Variants in SLC5A10 observed in about 807,000 individuals in gnomAD.
The protein encoded by SLC5A10 is sodium/mannose cotransporter SLC5A10.
A neutral mutation model predicts 68.9 loss-of-function variants in SLC5A10; 55 were observed. The ratio of observed to expected loss-of-function variants is 0.80; its 90% confidence interval spans 0.64 to 1.00. The LOEUF (loss-of-function observed/expected upper bound fraction) is 1.00. Ranked by LOEUF, SLC5A10 falls within the 50% of genes least tolerant of loss-of-function variation. The probability of loss-of-function intolerance (pLI) is 0.00; values close to 1 mark genes in which losing one functional copy is unlikely to be tolerated. For missense variants in SLC5A10, 732 were observed against 819.3 expected (o/e 0.89, Z 1.30); for synonymous variants, 344 against 344.8 (o/e 1.00, Z 0.02).
intron 7 of SLC5A10, 87 bp from the exon 8 acceptor site, chr17:18,970,926 T>G: frequency 7.6e-7 from 1 of 1,317,882 alleles, no homozygotes; most frequent in Non-Finnish European, 1.1e-6. Flanking sequence ...ATCAGGAAGT[T>G]TCTTGTGAGA....
Position 18,971,301 on chromosome 17 carries a change from C to T in SLC5A10, c.846+83C>T, listed in dbSNP as rs1011347863. On this transcript the variant is annotated intron_variant, in intron 8 of 14. Coordinates refer to ENST00000395645, the MANE Select transcript of SLC5A10 (RefSeq NM_001042450.4). The surrounding 1 kb of genome is among the most constrained non-coding windows in gnomAD (Gnocchi z 5.5). ...AGGCCCAGGCGGCCTGTCTGCCCTC[C>T]GCGTCATGAGTCTGGGCTGGGGCCT... 3.0e-5 allele frequency: 49 copies of T among 1,608,416 alleles called. No individual in the cohort carries two copies. The highest frequency in any genetic ancestry group is 2.5e-4 in the Admixed American group (15 of 59,868).
At chr17:18,954,365 C>T (rs1486874928) in intron 1 of SLC5A10, among the ~76,000 whole-genome samples, 1 of 152,202 alleles carries the variant, frequency 6.6e-6, no homozygotes, top group African/African-American at 2.4e-5. Context: ...ACTTGGGCCA[C>T]CAGCCCTTGT....
chr17:18,950,968 G>C (rs961932621), upstream of SLC5A10: 1 of 152,428 alleles, frequency 6.6e-6, no homozygotes, highest in South Asian at 2.1e-4. Flanking sequence ...CACCCGCCTT[G>C]GCCTCCCAAA....
At chr17:18,999,269 C>T (rs1386615981) in intron 9 of SLC5A10, among the ~76,000 whole-genome samples, 2 of 151,436 alleles carry the variant, frequency 1.3e-5, no homozygotes, top group Non-Finnish European at 2.9e-5. Context: ...CAGAGCAAGA[C>T]TTTGTCTCAA....
At chr17:18,981,272 G>A (rs973881118) in intron 9 of SLC5A10, among the ~76,000 whole-genome samples, 24 of 152,078 alleles carry the variant, frequency 1.6e-4, no homozygotes, top group Non-Finnish European at 2.8e-4. Context: ...CCAGGGAAGG[G>A]ACTCAAAGAC....
chr17:18,974,000 C>A (rs957591526), intron 8 of SLC5A10, among the ~76,000 whole-genome samples: 1 of 146,072 alleles, frequency 6.8e-6, no homozygotes, highest in African/African-American at 2.5e-5. Flanking sequence ...TTGAGCAATT[C>A]TCCTGCCTCA....
At chr17:18,988,538 C>T in intron 9 of SLC5A10, 1 of 1,478,166 alleles carries the variant, frequency 6.8e-7, no homozygotes, top group Non-Finnish European at 9.1e-7. Context: ...TGGCCCTACT[C>T]CTGGAGCCTC....
At chr17:19,014,725 T>G (rs1221522518) in intron 10 of SLC5A10, among the ~76,000 whole-genome samples, 3 of 152,198 alleles carry the variant, frequency 2.0e-5, no homozygotes, top group African/African-American at 7.2e-5. Context: ...GAAAGTGCTT[T>G]GTCAACGCCA....
intron 9 of SLC5A10, among the ~76,000 whole-genome samples, chr17:18,982,544 T>G (rs2043164936): frequency 6.6e-6 from 1 of 152,160 alleles, no homozygotes; most frequent in African/African-American, 2.4e-5. Context: ...GGACCTCAGT[T>G]TCCTCATAAG....
chr17:18,952,103 G>A (rs1453119425), upstream of SLC5A10: 6 of 1,486,470 alleles, frequency 4.0e-6, no homozygotes, highest in African/African-American at 1.4e-5. Context: ...GCCACTGTCC[G>A]CTTGGTTTAA....
At chr17:18,999,218 C>T (rs1288387381) in intron 9 of SLC5A10, among the ~76,000 whole-genome samples, 2 of 151,564 alleles carry the variant, frequency 1.3e-5, no homozygotes, top group East Asian at 3.9e-4. Context: ...GCGGAGGTTG[C>T]GGTGAGCAGA....
At chr17:18,956,989 AAC>A (rs1180620833) in intron 1 of SLC5A10, among the ~76,000 whole-genome samples, 2 of 152,034 alleles carry the variant, frequency 1.3e-5, no homozygotes, top group Non-Finnish European at 2.9e-5. Flanking sequence ...TCCTACTAAA[AAC>A]ACAAAAAATT....
At chr17:18,978,059 TG>T in intron 9 of SLC5A10, 2 of 1,519,454 alleles carry the variant, frequency 1.3e-6, no homozygotes. Context: ...TGTCCCATTC[TG>T]GGGAGCTTCC....
At chr17:18,999,096 G>A (rs1292521555) in intron 9 of SLC5A10, among the ~76,000 whole-genome samples, 3 of 152,098 alleles carry the variant, frequency 2.0e-5, no homozygotes, top group African/African-American at 4.8e-5. Flanking sequence ...TGACCAATAC[G>A]GTGAAACCCC....
chr17:18,969,448 C>T (rs1317707626), intron 7 of SLC5A10, 26 bp downstream of exon 7: 11 of 1,602,320 alleles, frequency 6.9e-6, no homozygotes, highest in African/African-American at 1.3e-5. Context: ...GTGGCCATGG[C>T]GGGGCTGTCC....
chr17:18,967,840 G>A (rs184557296), intron 5 of SLC5A10, among the ~76,000 whole-genome samples: 1 of 152,152 alleles, frequency 6.6e-6, no homozygotes, highest in African/African-American at 2.4e-5. Context: ...GCACCTCTGC[G>A]CTTCTCTACT....
At chr17:19,002,788 C>A (rs907958788) in intron 9 of SLC5A10, among the ~76,000 whole-genome samples, 3 of 152,200 alleles carry the variant, frequency 2.0e-5, no homozygotes, top group African/African-American at 4.8e-5. Flanking sequence ...AATGGCCCCC[C>A]ACAGCTAGGG....
chr17:18,970,941 G>C (rs1567784557), intron 7 of SLC5A10, 72 bp from the exon 8 acceptor site: 33 of 1,452,328 alleles, frequency 2.3e-5, no homozygotes, highest in Non-Finnish European at 2.1e-5. Context: ...GTGAGATGAA[G>C]GCAGGGGGGA....
intron 9 of SLC5A10, among the ~76,000 whole-genome samples, chr17:18,999,469 G>A (rs779138247): frequency 9.2e-5 from 14 of 152,106 alleles, no homozygotes; most frequent in Non-Finnish European, 2.1e-4. Context: ...TCAGTTCTGT[G>A]ACCTCAGGCC....
Sources: gnomAD v4.1 joint callset for allele counts (sites outside exome capture counted in the v4.1 genomes callset) on GRCh38, gnomAD v4.1.1 for gene constraint, Gnocchi (gnomAD v3.1) non-coding constraint, MANE v1.5 for transcripts, NCBI Gene and HGNC (gene_info 2026-07-23, HGNC 2026-07-21) for gene names.